The following ESRRG variants were observed in gnomAD, a reference collection of about 807,000 sequenced individuals.
ESRRG encodes the protein estrogen related receptor gamma.
ESRRG carries 13 observed loss-of-function variants against 44.0 expected under a neutral mutation model. That is an observed-to-expected ratio of 0.30 (90% confidence interval 0.19 to 0.47). The LOEUF is 0.47. Among genes scored for constraint, ESRRG ranks in the 20% least tolerant of loss-of-function variants. The pLI, the probability that ESRRG is intolerant of heterozygous loss-of-function variation, is 1.00. For missense variants in ESRRG, 395 were observed against 580.6 expected, an observed-to-expected ratio of 0.68 and a Z score of 3.29; for synonymous variants, 215 against 214.6, an observed-to-expected ratio of 1.00 and a Z score of -0.02.
intron 2 of ESRRG, among the ~76,000 whole-genome samples, chr1:216,896,495 G>A (rs1415226209): frequency 6.6e-6 from 1 of 152,118 alleles, no homozygotes; most frequent in Non-Finnish European, 1.5e-5. Context: ...GATTGTTAGG[G>A]GGAGCTGCAA....
chr1:217,012,435 G>A (rs553119660), intron 1 of ESRRG, among the ~76,000 whole-genome samples: 1 of 152,226 alleles, frequency 6.6e-6, no homozygotes, highest in East Asian at 1.9e-4. Context: ...CTGTTATCTT[G>A]GAAACTGCTA....
At chr1:216,556,081 A>G (rs577014451) in intron 5 of ESRRG, among the ~76,000 whole-genome samples, 2 of 152,302 alleles carry the variant, frequency 1.3e-5, no homozygotes, top group South Asian at 4.1e-4. Context: ...ATTTAAGCAT[A>G]TATGAATTAT....
intron 1 of ESRRG, among the ~76,000 whole-genome samples, chr1:216,948,733 C>T (rs1303349461): frequency 2.6e-5 from 4 of 152,078 alleles, no homozygotes; most frequent in Non-Finnish European, 2.9e-5. Flanking sequence ...CCAGATGGTT[C>T]AAGTGGGTGT....
At chr1:216,901,233 T>G (rs151222990) in intron 2 of ESRRG, among the ~76,000 whole-genome samples, 248 of 152,196 alleles carry the variant, frequency 1.6e-3, no homozygotes, top group Middle Eastern at 6.8e-3. Flanking sequence ...CCTTGGGAAT[T>G]TATGTGGTCC....
chr1:216,757,419 T>C (rs1019216167), intron 2 of ESRRG, among the ~76,000 whole-genome samples: 2 of 152,102 alleles, frequency 1.3e-5, no homozygotes, highest in Non-Finnish European at 2.9e-5. Context: ...AAAACACTTT[T>C]CATTAATATA....
At chr1:216,979,874 G>A (rs1158297217) in intron 1 of ESRRG, among the ~76,000 whole-genome samples, 1 of 152,170 alleles carries the variant, frequency 6.6e-6, no homozygotes, top group African/African-American at 2.4e-5. Context: ...TAATAAAAAT[G>A]CACATATTGC....
At chr1:217,034,662 T>C (rs1298597710) in intron 1 of ESRRG, among the ~76,000 whole-genome samples, 2 of 152,160 alleles carry the variant, frequency 1.3e-5, no homozygotes, top group African/African-American at 4.8e-5. Context: ...TTAATACAGA[T>C]AAGCAAAGAT....
rs2060243872 is a variant in ESRRG, at chr1:216,569,115, G to GGAAGGAAGGAA, written c.590-1028_590-1018dup. Among the ~76,000 whole-genome samples the GGAAGGAAGGAA allele has an allele frequency of 4.5e-5, 5 of 110,144 alleles. No homozygotes were observed. In the South Asian group the frequency reaches 9.1e-4, roughly 20 times the overall value. 72.3% of individuals were successfully genotyped at this position (110,144 alleles called of 152,430 possible). ...AAGGAAGGAAGGAAGGAAGGAAGAAGGAAGGAAGGAAGGAAGGAAAGAAGG... is the reference window on the plus strand; with the variant it reads ...AAGGAAGGAAGGAAGGAAGGAAGAAGGAAGGAAGGAAGAAGGAAGGAAGGAAGGAAAGAAGG... On this transcript the variant is annotated intron_variant, in intron 3 of 6. Transcript: ENST00000408911.
At chr1:216,983,277 G>A (rs902567947) in intron 1 of ESRRG, among the ~76,000 whole-genome samples, 1 of 151,882 alleles carries the variant, frequency 6.6e-6, no homozygotes, top group African/African-American at 2.4e-5. Context: ...TGTTACCCAG[G>A]TTGGAGATTG....
chr1:217,105,038 T>G (rs1270023980), intron 1 of ESRRG, among the ~76,000 whole-genome samples: 1 of 152,184 alleles, frequency 6.6e-6, no homozygotes, highest in East Asian at 1.9e-4. Context: ...CTATACTCTG[T>G]GACCCTCTCT....
intron 2 of ESRRG, among the ~76,000 whole-genome samples, chr1:216,814,301 C>T (rs1005624066): frequency 6.6e-6 from 1 of 152,096 alleles, no homozygotes; most frequent in Admixed American, 6.6e-5. Flanking sequence ...AAGAGAATTC[C>T]ATCTGTAGAA....
At position 216,506,412 on chromosome 1, in the gene ESRRG, G is replaced by A. The variant is rs2041212266; in HGVS notation, c.*527C>T. On this transcript the variant is annotated 3_prime_UTR_variant, in exon 7 of 7. Coordinates refer to ENST00000408911, the MANE Select transcript of ESRRG (RefSeq NM_001438.4). ...GACCTCTTTTAAAAGTTCAGCAGCA[G>A]AAGGAAGAAAAAGAAAGATGGAAAG... 1 of 308,146 alleles carries A rather than the reference G, an allele frequency of 3.2e-6. No individual in the cohort carries two copies. The highest frequency in any genetic ancestry group is 8.5e-5 in the East Asian group (1 of 11,832). The allele number at this position is 308,146 out of a possible 1,614,324, so 19.1% of individuals were successfully genotyped here.
chr1:217,047,544 T>C (rs2085110115), intron 1 of ESRRG, among the ~76,000 whole-genome samples: 1 of 152,208 alleles, frequency 6.6e-6, no homozygotes. Flanking sequence ...AAGCTACGAA[T>C]ATCTTTCTGA....
At chr1:216,825,945 C>T (rs1329808713) in intron 2 of ESRRG, among the ~76,000 whole-genome samples, 1 of 152,078 alleles carries the variant, frequency 6.6e-6, no homozygotes, top group Non-Finnish European at 1.5e-5. Context: ...CAATGAAGTC[C>T]ACGTATTGTC....
intron 1 of ESRRG, among the ~76,000 whole-genome samples, chr1:216,980,995 T>C (rs868454833): frequency 1.3e-5 from 2 of 152,166 alleles, no homozygotes; most frequent in African/African-American, 4.8e-5. Flanking sequence ...AAATGTTACC[T>C]ATTTGCATCC....
chr1:216,901,924 TTTTTTA>T (rs1424733190), intron 2 of ESRRG, among the ~76,000 whole-genome samples: 1 of 152,096 alleles, frequency 6.6e-6, no homozygotes, highest in East Asian at 1.9e-4. Flanking sequence ...AGCTAATTTA[TTTTTTA>T]TTTTTATTTT....
At chr1:216,527,417 C>A (rs2047999627) in intron 5 of ESRRG, among the ~76,000 whole-genome samples, 1 of 152,116 alleles carries the variant, frequency 6.6e-6, no homozygotes, top group African/African-American at 2.4e-5. Context: ...ATTCCCTCAT[C>A]AAAATGCTTT....
At chr1:216,684,411 G>A (rs1225680172) in intron 1 of ESRRG, among the ~76,000 whole-genome samples, 1 of 152,112 alleles carries the variant, frequency 6.6e-6, no homozygotes, top group Non-Finnish European at 1.5e-5. Flanking sequence ...TGTTTTCTTG[G>A]ACCTATTTCA....
At chr1:217,112,949 C>T (rs1312127058) in intron 1 of ESRRG, among the ~76,000 whole-genome samples, 3 of 152,108 alleles carry the variant, frequency 2.0e-5, no homozygotes, top group Admixed American at 1.3e-4. Context: ...GGACTCAAGA[C>T]AGATAAGGAT....
Sources: gnomAD v4.1 joint callset for allele counts (sites outside exome capture counted in the v4.1 genomes callset) on GRCh38, gnomAD v4.1.1 for gene constraint, MANE v1.5 for transcripts, NCBI Gene and HGNC (gene_info 2026-07-23, HGNC 2026-07-21) for gene names.